PRKG1: variants seen among roughly 807,000 people sequenced by gnomAD.
PRKG1 encodes protein kinase cGMP-dependent 1, also known as cGMP-dependent protein kinase 1.
A neutral mutation model predicts 88.1 loss-of-function variants in PRKG1; 35 were observed. That is an observed-to-expected ratio of 0.40 (90% CI 0.30 to 0.53). The LOEUF is 0.53. PRKG1 is among the 20% of genes least tolerant of loss of function. The probability of loss-of-function intolerance (pLI) is 0.59; values close to 1 mark genes in which losing one functional copy is unlikely to be tolerated. For missense variants in PRKG1, 540 were observed against 839.8 expected (o/e 0.64, Z 4.41); for synonymous variants, 303 against 292.5 (o/e 1.04, Z -0.37).
intron 2 of PRKG1, among the ~76,000 whole-genome samples, chr10:51,376,266 G>GT (rs1409208720): frequency 6.6e-6 from 1 of 152,084 alleles, no homozygotes. Flanking sequence ...AGCTTAATTT[G>GT]TTTTTCCTTC....
rs1839310683 is a variant in PRKG1, at chr10:51,447,550, T to A, written c.479-20173T>A. ...GTCTTAACTTAAAACCTCCCACTGC[T>A]ACATTGCATCCTATTTCCTTAACTT... On this transcript the variant is annotated intron_variant, in intron 2 of 17. Transcript: ENST00000373980. Among the ~76,000 whole-genome samples the A allele has an allele frequency of 3.9e-5, 6 of 152,204 alleles. No homozygotes were observed. In the South Asian group the frequency reaches 1.2e-3, roughly 32 times the overall value.
At chr10:51,163,396 T>C (rs925482891) in intron 2 of PRKG1, among the ~76,000 whole-genome samples, 1 of 152,176 alleles carries the variant, frequency 6.6e-6, no homozygotes, top group African/African-American at 2.4e-5. Context: ...ATTTCACAAA[T>C]ATGGGAGGGC....
intron 1 of PRKG1, among the ~76,000 whole-genome samples, chr10:51,057,685 T>C (rs1339707182): frequency 6.6e-6 from 1 of 152,170 alleles, no homozygotes; most frequent in African/African-American, 2.4e-5. Context: ...TTATTGGTGG[T>C]GTTGCTTGTA....
At chr10:51,211,502 A>C (rs567896715) in intron 2 of PRKG1, among the ~76,000 whole-genome samples, 7 of 152,210 alleles carry the variant, frequency 4.6e-5, no homozygotes, top group African/African-American at 1.4e-4. Flanking sequence ...AGGGCATTCA[A>C]TTAGGAAAAG....
intron 3 of PRKG1, among the ~76,000 whole-genome samples, chr10:51,468,662 T>C (rs540091459): frequency 1.3e-5 from 2 of 152,002 alleles, no homozygotes; most frequent in Admixed American, 6.6e-5. Flanking sequence ...TCTGACACAT[T>C]TTCCTGTGGT....
intron 2 of PRKG1, among the ~76,000 whole-genome samples, chr10:51,450,409 C>A (rs1044837598): frequency 6.6e-6 from 1 of 151,826 alleles, no homozygotes; most frequent in Non-Finnish European, 1.5e-5. Context: ...CTCCTATGAC[C>A]AAAGACATAT....
intron 4 of PRKG1, among the ~76,000 whole-genome samples, chr10:51,807,594 G>A (rs1839339899): frequency 6.6e-6 from 1 of 152,196 alleles, no homozygotes; most frequent in African/African-American, 2.4e-5. Flanking sequence ...TGAATGAAAA[G>A]AGAGTGCTCT....
At chr10:51,384,066 T>C (rs920474671) in intron 2 of PRKG1, among the ~76,000 whole-genome samples, 9 of 152,044 alleles carry the variant, frequency 5.9e-5, no homozygotes, top group Admixed American at 5.9e-4. Flanking sequence ...GATCAAGACA[T>C]CAATATAACT....
At chr10:51,895,669 T>C (rs1437401477) in intron 4 of PRKG1, among the ~76,000 whole-genome samples, 2 of 152,102 alleles carry the variant, frequency 1.3e-5, no homozygotes, top group Admixed American at 6.6e-5. Flanking sequence ...TCTTTTTCCT[T>C]TCCCAAGCAG....
At chr10:51,547,293 C>G (rs1190201006) in intron 3 of PRKG1, among the ~76,000 whole-genome samples, 3 of 151,996 alleles carry the variant, frequency 2.0e-5, no homozygotes, top group Admixed American at 1.3e-4. Flanking sequence ...ATATATCAGT[C>G]AAAACATCTA....
intron 2 of PRKG1, among the ~76,000 whole-genome samples, chr10:51,372,319 T>A (rs1455591097): frequency 6.6e-6 from 1 of 152,232 alleles, no homozygotes; most frequent in Non-Finnish European, 1.5e-5. Context: ...ATTTCCTTTT[T>A]AAATATCTTT....
intron 9 of PRKG1, among the ~76,000 whole-genome samples, chr10:52,169,358 G>A (rs1239513497): frequency 6.6e-6 from 1 of 152,138 alleles, no homozygotes; most frequent in East Asian, 1.9e-4. Flanking sequence ...CCATTTCCTG[G>A]CATATAGACA....
At chr10:52,153,392 A>G (rs1047444258) in intron 8 of PRKG1, among the ~76,000 whole-genome samples, 2 of 152,242 alleles carry the variant, frequency 1.3e-5, no homozygotes, top group African/African-American at 4.8e-5. Context: ...TAAGGAAGAT[A>G]ATGGCTATTA....
intron 1 of PRKG1, among the ~76,000 whole-genome samples, chr10:51,132,951 A>G (rs1344154838): frequency 2.6e-5 from 4 of 152,062 alleles, no homozygotes; most frequent in Non-Finnish European, 5.9e-5. Context: ...CAAAAAATGC[A>G]TATGGTCGAG....
At position 51,600,233 on chromosome 10, in the gene PRKG1, C is replaced by T. The variant is rs555765878; in HGVS notation, c.592+132397C>T. ...CCTCTGCCTTAGATGGTCATTTGAA[C>T]TCTAAAAATGTGGAAGCATGTGTGT... is the stretch of plus-strand genomic sequence containing the variant. On this transcript the variant is annotated intron_variant, in intron 3 of 17. Transcript: ENST00000373980. Among the ~76,000 whole-genome samples the T allele has an allele frequency of 7.9e-5, 12 of 152,238 alleles. No individual in the cohort carries two copies. In the South Asian group the frequency reaches 2.3e-3, roughly 29 times the overall value.
At chr10:51,860,908 G>A (rs10823735) in intron 4 of PRKG1, among the ~76,000 whole-genome samples, 26,254 of 152,096 alleles carry the variant, frequency 0.17, 2,983 homozygotes, top group Non-Finnish European at 0.25. Context: ...GAAAGCTGGA[G>A]TAAATTTCAA....
chr10:52,147,747 G>A (rs1321803664), intron 8 of PRKG1, among the ~76,000 whole-genome samples: 1 of 152,146 alleles, frequency 6.6e-6, no homozygotes, highest in Non-Finnish European at 1.5e-5. Flanking sequence ...AGATTGCAAA[G>A]GTAGACCGGA....
At chr10:51,076,041 C>T (rs1337446015) in intron 1 of PRKG1, among the ~76,000 whole-genome samples, 2 of 152,224 alleles carry the variant, frequency 1.3e-5, no homozygotes, top group African/African-American at 2.4e-5. Context: ...CCCTTCACTT[C>T]ATAAATACAA....
At chr10:51,618,356 A>C (rs1218136253) in intron 3 of PRKG1, among the ~76,000 whole-genome samples, 2 of 152,188 alleles carry the variant, frequency 1.3e-5, no homozygotes, top group African/African-American at 2.4e-5. Context: ...AGTGCTTCAG[A>C]ACAAAATGTA....
Sources: gnomAD v4.1 joint callset for allele counts (sites outside exome capture counted in the v4.1 genomes callset) on GRCh38, gnomAD v4.1.1 for gene constraint, MANE v1.5 for transcripts, NCBI Gene and HGNC (gene_info 2026-07-23, HGNC 2026-07-21) for gene names.